Variants in PIK3C2G observed in about 807,000 individuals in gnomAD.
PIK3C2G encodes phosphatidylinositol 3-kinase C2 domain-containing subunit gamma.
PIK3C2G carries 168 observed loss-of-function variants against 181.1 expected under a neutral mutation model. The ratio of observed to expected loss-of-function variants is 0.93; its 90% CI spans 0.82 to 1.05. The LOEUF (loss-of-function observed/expected upper bound fraction) is 1.05. PIK3C2G is among the 50% of genes least tolerant of loss of function. PIK3C2G has a pLI of 0.00. For missense variants in PIK3C2G, 1,869 were observed against 1,732.8 expected, an observed-to-expected ratio of 1.08 and a Z score of -1.40; for synonymous variants, 573 against 592.2, an observed-to-expected ratio of 0.97 and a Z score of 0.47.
chr12:18,332,823 G>A (rs146338362), intron 8 of PIK3C2G, among the ~76,000 whole-genome samples: 3 of 152,180 alleles, frequency 2.0e-5, no homozygotes, highest in East Asian at 1.9e-4. Flanking sequence ...ACAGAGCGCC[G>A]TAACTGTCTC....
chr12:18,625,340 C>T (rs1403794390), intron 31 of PIK3C2G, among the ~76,000 whole-genome samples: 1 of 151,610 alleles, frequency 6.6e-6, no homozygotes, highest in Non-Finnish European at 1.5e-5. Flanking sequence ...TAAAATTCCT[C>T]CTGTTACTGA....
At chr12:18,551,523 A>T (rs1466530683) in intron 26 of PIK3C2G, among the ~76,000 whole-genome samples, 2 of 152,040 alleles carry the variant, frequency 1.3e-5, no homozygotes, top group East Asian at 3.9e-4. Context: ...GTATGCTCAG[A>T]TATTCCACTT....
At position 18,371,249 on chromosome 12, in the gene PIK3C2G, T is replaced by C. The variant is rs370654025; in HGVS notation, c.1818T>C (p.Ile606=). 1.5e-4 allele frequency: 235 copies of C among 1,612,558 alleles called. No individual in the cohort carries two copies. Among genetic ancestry groups the C allele is most frequent in the Non-Finnish European group, 1.9e-4 (221 of 1,179,158 alleles). ...TGCTCACTGTAAAACTGTTTGGGAT[T>C]GCCTGTGCAACCAACAATGCAAATT... ...ESMLTVKLFG[I]ACATNNANLL... Residue 606 remains isoleucine, a synonymous_variant, in exon 13 of 33, where the codon ATT becomes ATC. Transcript: ENST00000538779.
At chr12:18,428,129 G>A (rs985863852) in intron 18 of PIK3C2G, among the ~76,000 whole-genome samples, 4 of 151,572 alleles carry the variant, frequency 2.6e-5, no homozygotes, top group Non-Finnish European at 4.4e-5. Flanking sequence ...TTAAGAATCA[G>A]GCAACATGCA....
At chr12:18,493,958 G>T (rs755842179) in intron 20 of PIK3C2G, among the ~76,000 whole-genome samples, 3 of 152,240 alleles carry the variant, frequency 2.0e-5, no homozygotes, top group Non-Finnish European at 4.4e-5. Context: ...TGGGAGAGTG[G>T]GAGGAACTGA....
At chr12:18,291,448 A>G (rs143205448) in intron 4 of PIK3C2G, among the ~76,000 whole-genome samples, 5 of 152,336 alleles carry the variant, frequency 3.3e-5, no homozygotes, top group African/African-American at 1.2e-4. Context: ...TGAGGAATCT[A>G]GTAGCATGGT....
At chr12:18,546,243 T>C (rs1320060307) in intron 25 of PIK3C2G, 80 bp from the exon 26 acceptor site, 1 of 851,582 alleles carries the variant, frequency 1.2e-6, no homozygotes, top group African/African-American at 1.7e-5. Flanking sequence ...TGTCTCTGGG[T>C]AGAATTAATC....
upstream of PIK3C2G, among the ~76,000 whole-genome samples, chr12:18,257,464 T>G (rs759154965): frequency 5.9e-5 from 9 of 152,056 alleles, no homozygotes; most frequent in Non-Finnish European, 1.2e-4. Context: ...CTGGGACTAT[T>G]GCAGATGAAC....
At position 18,634,298 on chromosome 12, in the gene PIK3C2G, T is replaced by A. The variant is rs1949493227; in HGVS notation, c.4183-6131T>A. ...GATAGATCCCTTCTAAGATAAAGGA[T>A]AAGTTGTTGCAGCTGGCTTCTCCTA... On this transcript the variant is annotated intron_variant, in intron 31 of 32. Transcript: ENST00000538779. 2.6e-5 allele frequency among the ~76,000 whole-genome samples: 4 copies of A among 152,258 alleles called. No individual in the cohort carries two copies. The South Asian group carries it at 8.3e-4, about 32-fold the overall frequency.
intron 16 of PIK3C2G, among the ~76,000 whole-genome samples, chr12:18,408,501 C>A (rs1010163868): frequency 6.6e-6 from 1 of 152,094 alleles, no homozygotes; most frequent in African/African-American, 2.4e-5. Flanking sequence ...TAGCATGATG[C>A]TTCCAGCTTT....
intron 26 of PIK3C2G, among the ~76,000 whole-genome samples, chr12:18,558,061 A>AT (rs1269777912): frequency 2.0e-5 from 3 of 152,174 alleles, no homozygotes; most frequent in African/African-American, 7.2e-5. Context: ...AGAGCCCCCT[A>AT]AAGAAAATGA....
intron 31 of PIK3C2G, among the ~76,000 whole-genome samples, chr12:18,633,785 T>C (rs2136746332): frequency 6.6e-6 from 1 of 152,276 alleles, no homozygotes; most frequent in South Asian, 2.1e-4. Context: ...GTCTTAACAT[T>C]CAATTCAATG....
At chr12:18,578,150 A>G (rs1006801240) in intron 29 of PIK3C2G, among the ~76,000 whole-genome samples, 8 of 152,182 alleles carry the variant, frequency 5.3e-5, no homozygotes, top group African/African-American at 1.9e-4. Flanking sequence ...AGTGATTCAG[A>G]TGCACGACCA....
At chr12:18,281,061 T>C (rs1362827230) in intron 1 of PIK3C2G, among the ~76,000 whole-genome samples, 2 of 151,816 alleles carry the variant, frequency 1.3e-5, no homozygotes, top group African/African-American at 4.8e-5. Context: ...TGAATTATGA[T>C]TGGTTTTGGA....
intron 13 of PIK3C2G, among the ~76,000 whole-genome samples, chr12:18,378,957 G>C (rs1220199254): frequency 2.0e-5 from 3 of 152,168 alleles, no homozygotes; most frequent in Non-Finnish European, 4.4e-5. Flanking sequence ...ACAGTATGGC[G>C]ATTCCTCAAG....
At chr12:18,293,829 G>T in intron 4 of PIK3C2G, 72 bp from the exon 5 acceptor site, 1 of 713,828 alleles carries the variant, frequency 1.4e-6, no homozygotes. Context: ...GTCATATTTT[G>T]TGCTCAAAAA....
chr12:18,550,684 A>T (rs1035172106), intron 26 of PIK3C2G, among the ~76,000 whole-genome samples: 2 of 152,048 alleles, frequency 1.3e-5, no homozygotes, highest in African/African-American at 4.8e-5. Context: ...CTTTGTTCTG[A>T]TAGGCTAAAA....
chr12:18,452,614 G>A (rs1461917262), intron 18 of PIK3C2G, among the ~76,000 whole-genome samples: 1 of 151,804 alleles, frequency 6.6e-6, no homozygotes, highest in Non-Finnish European at 1.5e-5. Flanking sequence ...GCTAGCTTTT[G>A]AATTTGTTTG....
chr12:18,292,240 A>ATATG (rs1291057385), intron 4 of PIK3C2G, among the ~76,000 whole-genome samples: 1 of 134,456 alleles, frequency 7.4e-6, no homozygotes, highest in Non-Finnish European at 1.6e-5. Context: ...ATATATATAT[A>ATATG]TATATATATA....
Sources: gnomAD v4.1 joint callset for allele counts (sites outside exome capture counted in the v4.1 genomes callset) on GRCh38, gnomAD v4.1.1 for gene constraint, MANE v1.5 for transcripts, NCBI Gene and HGNC (gene_info 2026-07-23, HGNC 2026-07-21) for gene names.